EME1: variants seen among roughly 807,000 people sequenced by gnomAD.
EME1 encodes the protein essential meiotic structure-specific endonuclease 1, also known as structure-specific endonuclease subunit EME1.
Under a neutral mutation model 59.1 loss-of-function variants are expected in EME1, and 61 were observed. The observed-to-expected ratio is 1.03, with a 90% confidence interval of 0.84 to 1.28. The LOEUF is 1.28. Ranked by LOEUF, EME1 falls within the 50% of genes most tolerant of loss-of-function variation. The pLI, the probability that EME1 is intolerant of heterozygous loss-of-function variation, is 0.00. For missense variants in EME1, 635 were observed against 682.6 expected (o/e 0.93, Z 0.78); for synonymous variants, 230 against 254.2 (o/e 0.90, Z 0.90).
chr17:50,378,547 A>G (rs1254546288), intron 3 of EME1, 48 bp from the exon 4 acceptor site: 2 of 1,600,170 alleles, frequency 1.2e-6, no homozygotes, highest in East Asian at 2.2e-5. Flanking sequence ...CAGGTGCTCA[A>G]TACCTGCTGA....
At chr17:50,380,207 C>G in intron 7 of EME1, 105 bp from the exon 8 acceptor site, 1 of 1,214,196 alleles carries the variant, frequency 8.2e-7, no homozygotes, top group Non-Finnish European at 1.1e-6. Context: ...TAACATGGCG[C>G]CCACCTCTTC....
rs1913251488 is a variant in EME1 at position 50,373,259 on chromosome 17, G to C, written c.-43G>C. 1 of 1,580,586 alleles carries C rather than the reference G, an allele frequency of 6.3e-7. No individual in the cohort carries two copies. The highest frequency in any genetic ancestry group is 8.6e-7 in the Non-Finnish European group (1 of 1,161,104). On this transcript the variant is annotated 5_prime_UTR_variant, in exon 1 of 9. Transcript: ENST00000338165. ...CGGGCCCTGCGTGGCAGTTGAAAGAGTGGCGGGAGAAGTTGCAGGTGAGCG... is the reference window on the plus strand; with the variant it reads ...CGGGCCCTGCGTGGCAGTTGAAAGACTGGCGGGAGAAGTTGCAGGTGAGCG...
At position 50,380,853 on chromosome 17, in the gene EME1, C is replaced by G; in HGVS notation, c.1627C>G (p.Arg543Gly). The change falls in exon 9 of 9, where the codon CGC becomes GGC. Residue 543 changes from arginine (R) to glycine (G), a missense_variant. Transcript: ENST00000338165. ...TGGGGAAGGTGTGACATCCACTTCTCGCCGCATTGGACCAGAACTATCCAG... is the reference window on the plus strand; with the variant it reads ...TGGGGAAGGTGTGACATCCACTTCTGGCCGCATTGGACCAGAACTATCCAG... The part of the protein sequence containing the change: ...RRGEGVTSTS[R>G]RIGPELSRRI... 6.2e-7 allele frequency: 1 copy of G among 1,614,202 alleles called. No homozygotes were observed. Among genetic ancestry groups the G allele is most frequent in the Non-Finnish European group, 8.5e-7 (1 of 1,180,036 alleles).
At chr17:50,374,119 T>C (rs1913312056) in intron 1 of EME1, among the ~76,000 whole-genome samples, 1 of 152,214 alleles carries the variant, frequency 6.6e-6, no homozygotes, top group Non-Finnish European at 1.5e-5. Context: ...GCAGGAATTC[T>C]TTTTGAGGTG....
rs755195996 is a variant in EME1, at chr17:50,380,828, T to A, written c.1602T>A (p.Arg534=). 6.2e-7 allele frequency: 1 copy of A among 1,614,180 alleles called. No individual in the cohort carries two copies. The highest frequency in any genetic ancestry group is 8.5e-7 in the Non-Finnish European group (1 of 1,180,036). ...TGCTCGCAGACATACAGGTGCGCCG[T>A]GGGGAAGGTGTGACATCCACTTCTC... ...QNLLADIQVR[R]GEGVTSTSRR... is the part of the protein sequence containing the mutation. The change falls in exon 9 of 9, where the codon CGT becomes CGA. Residue 534 remains arginine (R), a synonymous_variant. Transcript: ENST00000338165.
At position 50,380,945 on chromosome 17, in the gene EME1, G is replaced by C. The variant is rs1413486882; in HGVS notation, c.*6G>C. ...CTTTAGATAGTGCTGACTGATTCTA[G>C]CCCTCAGGGATGAGGATGAAAAGCT... On this transcript the variant is annotated 3_prime_UTR_variant, in exon 9 of 9. Coordinates refer to ENST00000338165, the MANE Select transcript of EME1 (RefSeq NM_152463.4). The C allele has an allele frequency of 6.2e-7, 1 of 1,613,680 alleles. No homozygotes were observed. Among genetic ancestry groups the C allele is most frequent in the Non-Finnish European group, 8.5e-7 (1 of 1,179,744 alleles).
chr17:50,377,743 A>C (rs1489248075), intron 3 of EME1, among the ~76,000 whole-genome samples: 1 of 150,518 alleles, frequency 6.6e-6, no homozygotes, highest in Admixed American at 6.6e-5. Flanking sequence ...TCAACTTGCT[A>C]TGTTCCTTTT....
rs1913667608 is a variant in EME1 at position 50,379,467 on chromosome 17, C to T, written c.1246C>T (p.Gln416Ter). Reference protein sequence around the residue: ...VDAEEALVDLQLHTEAQAQIV... With the variant: ...VDAEEALVDL ...GGGTTTCTAGGCATTGGTGGATCTG[C>T]AGCTACACACAGAAGCCCAGGCTCA... Residue 416 changes from glutamine to a stop codon, truncating the protein, a stop_gained, in exon 7 of 9, where the codon CAG becomes TAG. Transcript: ENST00000338165. LOFTEE classifies it high-confidence loss of function. 5.0e-6 allele frequency: 8 copies of T among 1,614,142 alleles called. No homozygotes were observed. The highest frequency in any genetic ancestry group is 1.7e-5 in the Admixed American group (1 of 60,010).
At position 50,380,845 on chromosome 17, in the gene EME1, C is replaced by A; in HGVS notation, c.1619C>A (p.Ser540Tyr). 1 of 1,614,194 alleles carries A rather than the reference C, an allele frequency of 6.2e-7. No homozygotes were observed. Among genetic ancestry groups the A allele is most frequent in the Non-Finnish European group, 8.5e-7 (1 of 1,180,042 alleles). ...IQVRRGEGVT[S>Y]TSRRIGPELS... ...GTGCGCCGTGGGGAAGGTGTGACAT[C>A]CACTTCTCGCCGCATTGGACCAGAA... Residue 540 changes from serine to tyrosine, a missense_variant, in exon 9 of 9, where the codon TCC becomes TAC. Coordinates refer to ENST00000338165, the MANE Select transcript of EME1 (RefSeq NM_152463.4).
At position 50,375,273 on chromosome 17, in the gene EME1, C is replaced by T. The variant is rs200504397; in HGVS notation, c.65C>T (p.Thr22Ile). The change falls in exon 2 of 9, where the codon ACA becomes ATA. Residue 22 changes from threonine to isoleucine, a missense_variant. Physicochemically the swap from Thr to Ile is moderately conservative, Grantham distance 89. Transcript: ENST00000338165. The part of the protein sequence containing the change: ...SGDSDSEELP[T>I]FAFLKKEPSS... ...GATAGTGACTCTGAGGAGTTGCCAA[C>T]ATTTGCCTTTCTGAAGAAGGAACCA... The T allele has an allele frequency of 1.6e-4, 254 of 1,614,056 alleles. No homozygotes were observed. Among genetic ancestry groups the T allele is most frequent in the Non-Finnish European group, 1.9e-4 (229 of 1,180,040 alleles).
At position 50,379,207 on chromosome 17, in the gene EME1, A is replaced by G; in HGVS notation, c.1213A>G (p.Arg405Gly). Residue 405 changes from arginine (R) to glycine (G), a missense_variant, in exon 6 of 9, where the codon AGG (arginine) becomes GGG (glycine). By Grantham distance (125) the Arg-to-Gly change is moderately radical. Transcript: ENST00000338165. ...PEASIGSMVS[R>G]VDAEEALVDL... is the part of the protein sequence containing the mutation. ...GGCCAGCATAGGGTCCATGGTATCC[A>G]GGGTAGACGCTGAAGAGGTAAGAAC... 6.2e-7 allele frequency: 1 copy of G among 1,614,186 alleles called. No individual in the cohort carries two copies. Among genetic ancestry groups the G allele is most frequent in the Non-Finnish European group, 8.5e-7 (1 of 1,180,036 alleles).
In EME1 at chr17:50,379,209, G is replaced by C. The variant is rs777409282; in HGVS notation, c.1215G>C (p.Arg405Ser). ...PEASIGSMVSRVDAEEALVDL... is the reference protein window; with the variant it reads ...PEASIGSMVSSVDAEEALVDL... ...CCAGCATAGGGTCCATGGTATCCAG[G>C]GTAGACGCTGAAGAGGTAAGAACGT... Residue 405 changes from arginine to serine, a missense_variant, in exon 6 of 9, where the codon AGG becomes AGC. Transcript: ENST00000338165. The C allele has an allele frequency of 4.3e-6, 7 of 1,614,162 alleles. No homozygotes were observed. In the East Asian group the frequency reaches 1.6e-4, roughly 36 times the overall value.
Position 50,381,025 on chromosome 17 carries a change from C to T in EME1, c.*86C>T. The T allele has an allele frequency of 6.9e-7, 1 of 1,458,994 alleles. No individual in the cohort carries two copies. 90.4% of individuals were successfully genotyped at this position (1,458,994 alleles called of 1,614,324 possible). Reference sequence around the variant, plus strand: ...CTGACTGTAATGAAGAGACTGGCAGCACCTCCTGGAACACAAGCCTAGGTG... The same window carrying T: ...CTGACTGTAATGAAGAGACTGGCAGTACCTCCTGGAACACAAGCCTAGGTG... On this transcript the variant is annotated 3_prime_UTR_variant, in exon 9 of 9. Coordinates refer to ENST00000338165, the MANE Select transcript of EME1 (RefSeq NM_152463.4).
rs1913738094 is a variant in EME1, at chr17:50,380,335, TCTC to T, written c.1373_1375del (p.Ser458del). The T allele has an allele frequency of 3.1e-6, 5 of 1,611,904 alleles. No homozygotes were observed. The highest frequency in any genetic ancestry group is 1.7e-5 in the Admixed American group (1 of 59,642). Reference sequence around the variant, plus strand: ...AGGAAGCTCCGAGATGAAACTACCTTCTCCTTCTGTCTGGAGAGTGACTGGGCT... The same window carrying T: ...AGGAAGCTCCGAGATGAAACTACCTTCTTCTGTCTGGAGAGTGACTGGGCT... On this transcript the variant is annotated inframe_deletion, in exon 8 of 9. Coordinates refer to ENST00000338165, the MANE Select transcript of EME1 (RefSeq NM_152463.4).
Position 50,375,971 on chromosome 17 carries a change from G to A in EME1, c.763G>A (p.Val255Met). The A allele has an allele frequency of 1.2e-6, 2 of 1,606,262 alleles. No individual in the cohort carries two copies. The highest frequency in any genetic ancestry group is 1.7e-6 in the Non-Finnish European group (2 of 1,174,714). Residue 255 changes from valine to methionine, a missense_variant, in exon 2 of 9, where the codon GTG (valine) becomes ATG (methionine). Transcript: ENST00000338165. ...PEECLKHIIVVLDPVLLQMEG... is the reference protein window; with the variant it reads ...PEECLKHIIVMLDPVLLQMEG... Reference sequence around the variant, plus strand: ...GGAATGCTTAAAACACATCATTGTAGTGCTGGATCCAGGTCCTCACATGTG... The same window carrying A: ...GGAATGCTTAAAACACATCATTGTAATGCTGGATCCAGGTCCTCACATGTG...
At chr17:50,378,171 A>G (rs1358596986) in intron 3 of EME1, among the ~76,000 whole-genome samples, 2 of 150,632 alleles carry the variant, frequency 1.3e-5, no homozygotes, top group South Asian at 2.1e-4. Context: ...GTTTCAAGCA[A>G]TTCTCCTGCC....
In EME1 at chr17:50,381,097, CT is replaced by C. The variant is rs763463897; in HGVS notation, c.*159del. The C allele has an allele frequency of 1.3e-5, 10 of 790,094 alleles. No individual in the cohort carries two copies. The highest frequency in any genetic ancestry group is 1.8e-5 in the Non-Finnish European group (9 of 511,130). The allele number at this position is 790,094 out of a possible 1,614,324, so 48.9% of individuals were successfully genotyped here. On this transcript the variant is annotated 3_prime_UTR_variant, in exon 9 of 9. Transcript: ENST00000338165. ...TTATTATTTGTGAAGGTCTCTCTGC[CT>C]GTCGGCTGGGGCAGAGACTGAAATA...
Position 50,373,270 on chromosome 17 carries a change from A to G in EME1, c.-32A>G. 1 of 1,547,834 alleles carries G rather than the reference A, an allele frequency of 6.5e-7. No individual in the cohort carries two copies. The highest frequency in any genetic ancestry group is 8.8e-7 in the Non-Finnish European group (1 of 1,137,376). ...TGGCAGTTGAAAGAGTGGCGGGAGA[A>G]GTTGCAGGTGAGCGTCCCCGGTCGC... On this transcript the variant is annotated 5_prime_UTR_variant, in exon 1 of 9. Transcript: ENST00000338165.
intron 4 of EME1, 39 bp downstream of exon 4, chr17:50,378,720 G>A (rs1398620346): frequency 6.2e-7 from 1 of 1,614,054 alleles, no homozygotes; most frequent in Non-Finnish European, 8.5e-7. Flanking sequence ...CGGAACAGAG[G>A]GCTGACTCTT....
Sources: gnomAD v4.1 joint callset for allele counts (sites outside exome capture counted in the v4.1 genomes callset) on GRCh38, gnomAD v4.1.1 for gene constraint, MANE v1.5 for transcripts, NCBI Gene and HGNC (gene_info 2026-07-23, HGNC 2026-07-21) for gene names.